The following PHF14 variants were observed in gnomAD, a reference collection of about 807,000 sequenced individuals.
The protein encoded by PHF14 is PHD finger protein 14.
A neutral mutation model predicts 117.9 loss-of-function variants in PHF14; 55 were observed. The observed-to-expected ratio is 0.47, with a 90% CI of 0.38 to 0.58. The LOEUF is 0.58. Ranked by LOEUF, PHF14 falls within the 20% of genes least tolerant of loss-of-function variation. The pLI, the probability that PHF14 is intolerant of heterozygous loss-of-function variation, is 0.00. For missense variants in PHF14, 978 were observed against 1,122.2 expected (o/e 0.87, Z 1.84); for synonymous variants, 409 against 368.6 (o/e 1.11, Z -1.26).
intron 17 of PHF14, among the ~76,000 whole-genome samples, chr7:11,131,438 T>A (rs1300934588): frequency 6.6e-6 from 1 of 151,986 alleles, no homozygotes; most frequent in Non-Finnish European, 1.5e-5. Context: ...TTATTTGCCA[T>A]ATATATATCT....
intron 16 of PHF14, chr7:11,105,436 A>G (rs1787225124): frequency 1.0e-6 from 1 of 961,550 alleles, no homozygotes; most frequent in Non-Finnish European, 1.2e-6. Context: ...CTTGATTCTC[A>G]ATATGAGAAT....
intron 17 of PHF14, among the ~76,000 whole-genome samples, chr7:11,134,614 T>G (rs1472860052): frequency 6.6e-6 from 1 of 151,962 alleles, no homozygotes; most frequent in Non-Finnish European, 1.5e-5. Flanking sequence ...AGCCACAGGA[T>G]CACACAACTT....
intron 4 of PHF14, among the ~76,000 whole-genome samples, chr7:10,994,710 T>C (rs1782571842): frequency 6.6e-6 from 1 of 152,118 alleles, no homozygotes; most frequent in Non-Finnish European, 1.5e-5. Context: ...GTCCGGAGTT[T>C]GCTCCTTCTG....
At chr7:11,096,150 C>G (rs1347571217) in intron 16 of PHF14, among the ~76,000 whole-genome samples, 3 of 151,780 alleles carry the variant, frequency 2.0e-5, no homozygotes, top group Non-Finnish European at 4.4e-5. Flanking sequence ...TTCTTTTATT[C>G]TTTTTCGGTG....
chr7:11,090,276 T>C (rs1786594002), intron 16 of PHF14, among the ~76,000 whole-genome samples: 1 of 152,172 alleles, frequency 6.6e-6, no homozygotes, highest in African/African-American at 2.4e-5. Flanking sequence ...TGAATGAAAC[T>C]GGTAGGCACT....
chr7:10,987,899 C>T (rs939413884), intron 3 of PHF14, among the ~76,000 whole-genome samples: 1 of 151,044 alleles, frequency 6.6e-6, no homozygotes, highest in Non-Finnish European at 1.5e-5. Flanking sequence ...ACCTGTAATC[C>T]CAGCTACTCG....
rs1783783361 is a variant in PHF14 at position 11,022,868 on chromosome 7, A to G, written c.1206A>G (p.Arg402=). The G allele has an allele frequency of 6.4e-7, 1 of 1,552,996 alleles. No homozygotes were observed. The highest frequency in any genetic ancestry group is 2.3e-5 in the East Asian group (1 of 44,142). ...GCAAAATCATATCTTCTCTTCTTAGATGGGTTCATATTGTTTGTGCCCTGT... is the reference window on the plus strand; with the variant it reads ...GCAAAATCATATCTTCTCTTCTTAGGTGGGTTCATATTGTTTGTGCCCTGT... ...DGIFKETDAG[R]WVHIVCALYV... Residue 402 remains arginine (R), a splice_region_variant and synonymous_variant, in exon 6 of 18, where the codon AGA becomes AGG. Coordinates refer to ENST00000634607, the MANE Select transcript of PHF14 (RefSeq NM_001007157.2).
chr7:11,137,256 T>C (rs918857775), intron 17 of PHF14, among the ~76,000 whole-genome samples: 3 of 152,156 alleles, frequency 2.0e-5, no homozygotes, highest in Admixed American at 2.0e-4. Context: ...TTTTGATCAA[T>C]TGCTTGATCT....
intron 13 of PHF14, among the ~76,000 whole-genome samples, chr7:11,048,972 T>C (rs1466075073): frequency 1.3e-5 from 2 of 152,158 alleles, no homozygotes; most frequent in Non-Finnish European, 2.9e-5. Context: ...CTAACTATTA[T>C]TTATAGTGGG....
At position 11,051,707 on chromosome 7, in the gene PHF14, A is replaced by C; in HGVS notation, c.2408A>C (p.Gln803Pro). The C allele has an allele frequency of 6.2e-7, 1 of 1,613,754 alleles. No homozygotes were observed. Among genetic ancestry groups the C allele is most frequent in the Non-Finnish European group, 8.5e-7 (1 of 1,179,722 alleles). Residue 803 changes from glutamine to proline, a missense_variant, in exon 14 of 18, where the codon CAG becomes CCG. Physicochemically the swap from Gln to Pro is moderately conservative, Grantham distance 76 (BLOSUM62 -1). Coordinates refer to ENST00000634607, the MANE Select transcript of PHF14 (RefSeq NM_001007157.2). ...GATGGAACCAAACGATCAAGGAGGC[A>C]GATTAAGGAACCAGTGAAATTTGTT... ...LPDGTKRSRRQIKEPVKFVPQ... is the reference protein window; with the variant it reads ...LPDGTKRSRRPIKEPVKFVPQ...
chr7:10,974,607 T>C (rs1051083368), intron 1 of PHF14, among the ~76,000 whole-genome samples: 1 of 152,170 alleles, frequency 6.6e-6, no homozygotes, highest in African/African-American at 2.4e-5. Context: ...TGGTCTGAGT[T>C]GGCGTTGGCA....
chr7:11,125,633 T>A (rs1031093941), intron 17 of PHF14, among the ~76,000 whole-genome samples: 2 of 152,068 alleles, frequency 1.3e-5, no homozygotes, highest in African/African-American at 4.8e-5. Flanking sequence ...GTAACTGTTT[T>A]TATTCTACTA....
chr7:11,088,632 T>C (rs1786514982), intron 16 of PHF14, among the ~76,000 whole-genome samples: 1 of 152,164 alleles, frequency 6.6e-6, no homozygotes, highest in African/African-American at 2.4e-5. Flanking sequence ...TTTTTAATCA[T>C]AATAACCCTC....
intron 16 of PHF14, among the ~76,000 whole-genome samples, chr7:11,066,339 A>T (rs76958051): frequency 0.013 from 1,945 of 152,316 alleles, 43 homozygotes; most frequent in East Asian, 0.1. Flanking sequence ...GACGCAGTAC[A>T]GCCTCTGCCT....
At chr7:11,142,013 G>A (rs1788414662) in intron 17 of PHF14, among the ~76,000 whole-genome samples, 1 of 151,932 alleles carries the variant, frequency 6.6e-6, no homozygotes, top group African/African-American at 2.4e-5. Flanking sequence ...AGAAAAATAA[G>A]CAAATAGCTT....
intron 2 of PHF14, among the ~76,000 whole-genome samples, chr7:10,981,754 C>G (rs915818915): frequency 9.2e-5 from 14 of 152,122 alleles, no homozygotes; most frequent in African/African-American, 2.9e-4. Context: ...TTGCAACTTC[C>G]TTTTTCTGTG....
At chr7:11,084,744 G>A (rs1348394365) in intron 16 of PHF14, among the ~76,000 whole-genome samples, 1 of 152,102 alleles carries the variant, frequency 6.6e-6, no homozygotes, top group African/African-American at 2.4e-5. Context: ...ACATGAATGT[G>A]TAATGATGTC....
chr7:11,165,360 T>A (rs1789171644), intron 17 of PHF14, among the ~76,000 whole-genome samples: 1 of 152,188 alleles, frequency 6.6e-6, no homozygotes, highest in Admixed American at 6.5e-5. Context: ...TAATACATCG[T>A]ATCAGGGTGT....
At chr7:11,152,964 C>G (rs541125359) in intron 17 of PHF14, among the ~76,000 whole-genome samples, 6 of 152,288 alleles carry the variant, frequency 3.9e-5, no homozygotes, top group Admixed American at 2.0e-4. Context: ...GATCGGAGAA[C>G]TCAGTGAGGC....
Sources: allele counts gnomAD v4.1 joint callset (sites outside exome capture counted in the v4.1 genomes callset), GRCh38; gene constraint gnomAD v4.1.1; transcripts MANE v1.5; gene names NCBI Gene and HGNC (gene_info 2026-07-23, HGNC 2026-07-21).